The following ZZZ3 variants were observed in gnomAD, a reference collection of about 807,000 sequenced individuals.
ZZZ3 encodes the protein ZZ-type zinc finger-containing protein 3.
In ZZZ3, 22 loss-of-function variants were observed where a neutral mutation model predicts 95.2. The ratio of observed to expected loss-of-function variants is 0.23; its 90% CI spans 0.17 to 0.33. ZZZ3 has a LOEUF of 0.33. Ranked by LOEUF, ZZZ3 falls within the 10% of genes least tolerant of loss-of-function variation. ZZZ3 has a pLI of 1.00. For synonymous variants in ZZZ3, 335 were observed against 358.9 expected, an observed-to-expected ratio of 0.93 and a Z score of 0.75; for missense variants, 885 against 1,066.5, an observed-to-expected ratio of 0.83 and a Z score of 2.37.
intron 5 of ZZZ3, among the ~76,000 whole-genome samples, chr1:77,602,936 C>A (rs934255693): frequency 6.6e-6 from 1 of 151,748 alleles, no homozygotes; most frequent in African/African-American, 2.4e-5. Context: ...CAGGGTACTG[C>A]AATTTTTTTC....
At chr1:77,615,997 C>T (rs1381138249) in intron 5 of ZZZ3, among the ~76,000 whole-genome samples, 1 of 152,028 alleles carries the variant, frequency 6.6e-6, no homozygotes, top group African/African-American at 2.4e-5. Flanking sequence ...GAAATAACCA[C>T]AATGACATGG....
chr1:77,576,291 A>T, intron 11 of ZZZ3, 71 bp from the exon 12 acceptor site: 1 of 1,246,734 alleles, frequency 8.0e-7, no homozygotes, highest in Non-Finnish European at 1.1e-6. Flanking sequence ...ATAAAAATAC[A>T]AATGTTACTT....
At chr1:77,617,813 CA>C (rs1666461556) in intron 5 of ZZZ3, among the ~76,000 whole-genome samples, 1 of 150,450 alleles carries the variant, frequency 6.6e-6, no homozygotes, top group Non-Finnish European at 1.5e-5. Flanking sequence ...GGCGTGGTGA[CA>C]AGCACCTGTA....
chr1:77,593,009 G>A (rs1469796927), intron 5 of ZZZ3, among the ~76,000 whole-genome samples: 1 of 152,208 alleles, frequency 6.6e-6, no homozygotes, highest in Non-Finnish European at 1.5e-5. Context: ...ATCCAGAAGA[G>A]AGGACTGAGA....
intron 5 of ZZZ3, among the ~76,000 whole-genome samples, chr1:77,598,867 A>G (rs971341427): frequency 8.5e-5 from 13 of 152,292 alleles, no homozygotes; most frequent in East Asian, 3.9e-4. Context: ...TAATCTTTAG[A>G]CCTACTGTAG....
chr1:77,570,256 C>T (rs750315566), intron 12 of ZZZ3, among the ~76,000 whole-genome samples: 1 of 152,206 alleles, frequency 6.6e-6, no homozygotes, highest in Non-Finnish European at 1.5e-5. Flanking sequence ...GTGCCCGTCA[C>T]CACACCCAGC....
At chr1:77,603,348 C>T (rs1451044758) in intron 5 of ZZZ3, among the ~76,000 whole-genome samples, 1 of 152,152 alleles carries the variant, frequency 6.6e-6, no homozygotes, top group Non-Finnish European at 1.5e-5. Flanking sequence ...CCAAGTGCTA[C>T]GATTATAGGA....
intron 4 of ZZZ3, among the ~76,000 whole-genome samples, chr1:77,635,112 A>C (rs1364587047): frequency 6.6e-6 from 1 of 152,228 alleles, no homozygotes; most frequent in Non-Finnish European, 1.5e-5. Context: ...GTTTGGAAGA[A>C]TTATAGAAGA....
intron 4 of ZZZ3, among the ~76,000 whole-genome samples, chr1:77,636,377 T>C (rs1325324277): frequency 1.3e-5 from 2 of 152,108 alleles, no homozygotes; most frequent in Middle Eastern, 3.2e-3. Context: ...TTATTAGTAG[T>C]ACTAAAAACC....
At chr1:77,602,894 C>T (rs370007844) in intron 5 of ZZZ3, among the ~76,000 whole-genome samples, 3 of 151,964 alleles carry the variant, frequency 2.0e-5, no homozygotes, top group Non-Finnish European at 2.9e-5. Context: ...TGAGTCACCA[C>T]GCTCGGCTAC....
chr1:77,632,085 T>C lies in ZZZ3; in HGVS notation c.1270A>G (p.Ser424Gly). Reference sequence around the variant, plus strand: ...TCACCAGGATTTGTAGGAGATTGACTTACATTATCACTAACAGTTGCATTT... The same window carrying C: ...TCACCAGGATTTGTAGGAGATTGACCTACATTATCACTAACAGTTGCATTT... ...ETNATVSDNV[S>G]QSPTNPGEIS... Residue 424 changes from serine to glycine, a missense_variant, in exon 5 of 15, where the codon AGT becomes GGT. Transcript: ENST00000370801. 6.2e-7 allele frequency: 1 copy of C among 1,614,124 alleles called. No homozygotes were observed. The highest frequency in any genetic ancestry group is 8.5e-7 in the Non-Finnish European group (1 of 1,179,960).
At chr1:77,675,002 C>T (rs1013711301) in intron 1 of ZZZ3, among the ~76,000 whole-genome samples, 7 of 148,036 alleles carry the variant, frequency 4.7e-5, no homozygotes, top group African/African-American at 9.9e-5. Context: ...TAAAAATCTA[C>T]ATATAGTGAA....
chr1:77,659,548 G>A (rs997616583), intron 1 of ZZZ3, among the ~76,000 whole-genome samples: 8 of 151,570 alleles, frequency 5.3e-5, no homozygotes, highest in South Asian at 2.1e-4. Flanking sequence ...TTAGCCAGGC[G>A]TGGGGGCACG....
At chr1:77,658,105 G>C (rs754690998) in intron 1 of ZZZ3, among the ~76,000 whole-genome samples, 29 of 150,140 alleles carry the variant, frequency 1.9e-4, no homozygotes, top group Non-Finnish European at 1.2e-4. Flanking sequence ...CTTGAATGCA[G>C]GAGGCAGAGG....
At position 77,601,466 on chromosome 1, in the gene ZZZ3, A is replaced by G. The variant is rs558909361; in HGVS notation, c.1506-16811T>C. Among the ~76,000 whole-genome samples the G allele has an allele frequency of 3.9e-5, 6 of 152,350 alleles. No homozygotes were observed. The South Asian group carries it at 1.2e-3, about 32-fold the overall frequency. On this transcript the variant is annotated intron_variant, in intron 5 of 14. Coordinates refer to ENST00000370801, the MANE Select transcript of ZZZ3 (RefSeq NM_015534.6). The stretch of plus-strand genomic sequence containing the variant: ...AAGTAAATAGAACAGTAGTTGCAAA[A>G]GTATACAGGATATAAAAAAGAGGAT...
chr1:77,626,423 A>G (rs1667341297), intron 5 of ZZZ3, among the ~76,000 whole-genome samples: 1 of 152,230 alleles, frequency 6.6e-6, no homozygotes, highest in Non-Finnish European at 1.5e-5. Context: ...TTTTCCTGCA[A>G]CTAGACGATC....
chr1:77,565,825 A>G (rs778376490), intron 14 of ZZZ3, 41 bp from the exon 15 acceptor site: 4 of 1,575,344 alleles, frequency 2.5e-6, no homozygotes, highest in Non-Finnish European at 3.4e-6. Flanking sequence ...ATGGTAGTGG[A>G]TGCATTTTAG....
At chr1:77,585,616 T>C (rs1663007018) in intron 5 of ZZZ3, among the ~76,000 whole-genome samples, 1 of 152,254 alleles carries the variant, frequency 6.6e-6, no homozygotes. Flanking sequence ...AACTTTCATT[T>C]TGTTTCCTAC....
chr1:77,667,386 G>T (rs373714488), intron 1 of ZZZ3, among the ~76,000 whole-genome samples: 10 of 151,908 alleles, frequency 6.6e-5, no homozygotes, highest in Non-Finnish European at 1.3e-4. Flanking sequence ...TTTTTTAACC[G>T]TCTCCCTTGC....
Sources: allele counts gnomAD v4.1 joint callset (sites outside exome capture counted in the v4.1 genomes callset), GRCh38; gene constraint gnomAD v4.1.1; transcripts MANE v1.5; gene names NCBI Gene and HGNC (gene_info 2026-07-23, HGNC 2026-07-21).